The following SIL1 variants were observed in gnomAD, a reference collection of about 807,000 sequenced individuals.
The protein encoded by SIL1 is nucleotide exchange factor SIL1.
Under a neutral mutation model 49.1 loss-of-function variants are expected in SIL1, and 40 were observed. The observed-to-expected ratio is 0.81, with a 90% confidence interval of 0.63 to 1.06. SIL1 has a LOEUF of 1.06. SIL1 is among the 50% of genes least tolerant of loss of function. The pLI is 0.00. For missense variants in SIL1, 500 were observed against 572.6 expected, an observed-to-expected ratio of 0.87 and a Z score of 1.29; for synonymous variants, 253 against 250.8, an observed-to-expected ratio of 1.01 and a Z score of -0.08.
chr5:139,058,286 G>A (rs991808953), intron 3 of SIL1, among the ~76,000 whole-genome samples: 16 of 152,030 alleles, frequency 1.1e-4, no homozygotes, highest in African/African-American at 3.6e-4. Flanking sequence ...GACCACTCGT[G>A]GTCTGGAGTT....
intron 3 of SIL1, among the ~76,000 whole-genome samples, chr5:139,082,577 T>G (rs1770107411): frequency 6.6e-6 from 1 of 152,190 alleles, no homozygotes. Context: ...TGGTGGAGAC[T>G]GGTATAATAA....
chr5:139,165,807 G>C (rs1160699482), intron 1 of SIL1, among the ~76,000 whole-genome samples: 1 of 151,630 alleles, frequency 6.6e-6, no homozygotes, highest in Non-Finnish European at 1.5e-5. Flanking sequence ...ACAGGTACAT[G>C]CCCACCATGC....
chr5:139,023,702 A>T (rs910289388), intron 6 of SIL1, among the ~76,000 whole-genome samples: 1 of 152,214 alleles, frequency 6.6e-6, no homozygotes, highest in Non-Finnish European at 1.5e-5. Flanking sequence ...ATGAGAAAGG[A>T]CTGGGGAAGT....
intron 7 of SIL1, among the ~76,000 whole-genome samples, chr5:139,020,229 C>T (rs1768490412): frequency 6.6e-6 from 1 of 152,242 alleles, no homozygotes; most frequent in Non-Finnish European, 1.5e-5. Context: ...ACTCCTCCAG[C>T]TTTCCCAGCT....
At chr5:138,980,321 C>T (rs978212074) in intron 7 of SIL1, among the ~76,000 whole-genome samples, 8 of 152,100 alleles carry the variant, frequency 5.3e-5, no homozygotes, top group South Asian at 2.1e-4. Flanking sequence ...ACTTGACTGC[C>T]GAGAGGAGGC....
At chr5:139,171,884 A>T (rs1233802796) in intron 1 of SIL1, among the ~76,000 whole-genome samples, 2 of 152,116 alleles carry the variant, frequency 1.3e-5, no homozygotes, top group Non-Finnish European at 1.5e-5. Flanking sequence ...GTTTGGAAAA[A>T]GATTAAAATA....
chr5:139,164,478 A>G (rs1304902433), intron 1 of SIL1, among the ~76,000 whole-genome samples: 1 of 151,672 alleles, frequency 6.6e-6, no homozygotes, highest in Non-Finnish European at 1.5e-5. Flanking sequence ...GGCAAACCCA[A>G]CCCCACTGTC....
At chr5:139,110,618 G>C (rs1770819988) in intron 3 of SIL1, among the ~76,000 whole-genome samples, 1 of 152,248 alleles carries the variant, frequency 6.6e-6, no homozygotes. Context: ...TAATCAGCTT[G>C]ATTAGCACCC....
chr5:138,972,056 G>A (rs1483416589), intron 7 of SIL1, among the ~76,000 whole-genome samples: 2 of 152,160 alleles, frequency 1.3e-5, no homozygotes, highest in African/African-American at 4.8e-5. Flanking sequence ...GGGTCCCTGG[G>A]GAGAGCTGAG....
intron 4 of SIL1, among the ~76,000 whole-genome samples, chr5:139,047,816 AT>A (rs1416530683): frequency 5.9e-5 from 9 of 152,262 alleles, no homozygotes; most frequent in African/African-American, 2.2e-4. Flanking sequence ...TAGGTTTGCC[AT>A]TAGCTATAAA....
chr5:139,040,030 C>T (rs1276518229), intron 5 of SIL1, among the ~76,000 whole-genome samples: 1 of 150,680 alleles, frequency 6.6e-6, no homozygotes, highest in Non-Finnish European at 1.5e-5. Flanking sequence ...CAAAAACCCA[C>T]TCATTTAATT....
At chr5:139,105,442 C>T (rs1261673256) in intron 3 of SIL1, among the ~76,000 whole-genome samples, 3 of 152,176 alleles carry the variant, frequency 2.0e-5, no homozygotes, top group Non-Finnish European at 4.4e-5. Context: ...ATCAATCCCT[C>T]ACTGCAATTG....
At chr5:139,123,413 T>C (rs1750688089) in intron 2 of SIL1, among the ~76,000 whole-genome samples, 1 of 152,160 alleles carries the variant, frequency 6.6e-6, no homozygotes, top group African/African-American at 2.4e-5. Flanking sequence ...AGTTTGAAGC[T>C]GCTGAAAAAA....
At chr5:139,147,406 A>C (rs1169755725) in intron 1 of SIL1, among the ~76,000 whole-genome samples, 4 of 152,140 alleles carry the variant, frequency 2.6e-5, no homozygotes, top group Non-Finnish European at 5.9e-5. Flanking sequence ...CACACCACAC[A>C]GCTTAGATCC....
At chr5:139,095,799 G>A (rs573986512) in intron 3 of SIL1, among the ~76,000 whole-genome samples, 1 of 151,834 alleles carries the variant, frequency 6.6e-6, no homozygotes, top group African/African-American at 2.4e-5. Flanking sequence ...CTGCACTCCA[G>A]CTGGAGCAAC....
At chr5:139,176,703 A>T (rs962130228) in intron 1 of SIL1, among the ~76,000 whole-genome samples, 1 of 152,022 alleles carries the variant, frequency 6.6e-6, no homozygotes, top group Admixed American at 6.6e-5. Flanking sequence ...GGCCTCTTTT[A>T]TAAGGGCACT....
At chr5:139,070,933 G>T (rs2150473040) in intron 3 of SIL1, among the ~76,000 whole-genome samples, 1 of 152,206 alleles carries the variant, frequency 6.6e-6, no homozygotes, top group South Asian at 2.1e-4. Context: ...AAAAAGAAAT[G>T]ATAGATTTGA....
chr5:139,165,866 T>C (rs559583574), intron 1 of SIL1, among the ~76,000 whole-genome samples: 13 of 151,800 alleles, frequency 8.6e-5, no homozygotes, highest in African/African-American at 2.9e-4. Flanking sequence ...AGTTTCACCG[T>C]GTTAGCCAGG....
chr5:139,060,205 G>T (rs1053932997), intron 3 of SIL1, among the ~76,000 whole-genome samples: 2 of 152,094 alleles, frequency 1.3e-5, no homozygotes, highest in African/African-American at 4.8e-5. Context: ...AAGAGTATGT[G>T]AACTATTACT....
Sources: allele counts gnomAD v4.1 joint callset (sites outside exome capture counted in the v4.1 genomes callset), GRCh38; gene constraint gnomAD v4.1.1; transcripts MANE v1.5; gene names NCBI Gene and HGNC (gene_info 2026-07-23, HGNC 2026-07-21).